COLEC12: variants seen among roughly 807,000 people sequenced by gnomAD.
COLEC12 encodes the protein collectin subfamily member 12, also known as collectin-12.
In COLEC12, 33 loss-of-function variants were observed where a neutral mutation model predicts 71.1. The observed-to-expected ratio is 0.46, with a 90% CI of 0.35 to 0.62. The LOEUF (loss-of-function observed/expected upper bound fraction) is 0.62, where lower values mean the gene tolerates loss of function less well. Ranked by LOEUF, COLEC12 falls within the 20% of genes least tolerant of loss-of-function variation. The pLI is 0.00. For synonymous variants in COLEC12, 350 were observed against 353.0 expected (o/e 0.99, Z 0.10); for missense variants, 765 against 916.1 (o/e 0.84, Z 2.13).
chr18:467,561 T>C (rs1917112122), intron 2 of COLEC12, among the ~76,000 whole-genome samples: 1 of 152,214 alleles, frequency 6.6e-6, no homozygotes, highest in African/African-American at 2.4e-5. Flanking sequence ...TGTAAACAGA[T>C]TAATGAATTG....
intron 2 of COLEC12, among the ~76,000 whole-genome samples, chr18:376,892 C>A (rs756179631): frequency 1.3e-5 from 2 of 152,306 alleles, no homozygotes; most frequent in Non-Finnish European, 2.9e-5. Context: ...GTCCTCAGAG[C>A]TCTCCTGAGA....
chr18:331,844 T>C (rs1174980841), intron 7 of COLEC12, 67 bp from the exon 8 acceptor site: 8 of 935,790 alleles, frequency 8.5e-6, no homozygotes, highest in Admixed American at 4.0e-5. Context: ...CTTTTTCTTT[T>C]ATTTAACATT....
Position 321,819 on chromosome 18 carries a change from A to T in COLEC12, c.2064-12T>A. ...CAGCTTTCCAATTTCTTTTAGCAAA[A>T]CAGAAATTGAATGTTATTTGCACAG... is the stretch of plus-strand genomic sequence containing the variant. On this transcript the variant is annotated splice_polypyrimidine_tract_variant and intron_variant, in intron 8 of 9. Transcript: ENST00000400256. 1 of 1,612,540 alleles carries T rather than the reference A, an allele frequency of 6.2e-7. No individual in the cohort carries two copies. The highest frequency in any genetic ancestry group is 8.5e-7 in the Non-Finnish European group (1 of 1,179,446).
In COLEC12 at chr18:431,865, G is replaced by T. The variant is rs148818920; in HGVS notation, c.58+48842C>A. Among the ~76,000 whole-genome samples, 227 of 152,258 alleles carry T rather than the reference G, an allele frequency of 1.5e-3. 5 individuals are homozygous for T. In the East Asian group the frequency reaches 0.039, roughly 26 times the overall value. ...GCCACTTATTGAACTCTTGCCATGTGCCAGGCACTGTGCTAAGGAGATTTT... is the reference window on the plus strand; with the variant it reads ...GCCACTTATTGAACTCTTGCCATGTTCCAGGCACTGTGCTAAGGAGATTTT... On this transcript the variant is annotated intron_variant, in intron 2 of 9. Coordinates refer to ENST00000400256, the MANE Select transcript of COLEC12 (RefSeq NM_130386.3).
chr18:389,027 T>C (rs1235941937), intron 2 of COLEC12, among the ~76,000 whole-genome samples: 1 of 152,170 alleles, frequency 6.6e-6, no homozygotes, highest in African/African-American at 2.4e-5. Context: ...GTTACATTAT[T>C]CACAATTCAG....
chr18:347,424 C>T (rs1223972230), intron 4 of COLEC12, 83 bp from the exon 5 acceptor site: 49 of 1,120,504 alleles, frequency 4.4e-5, no homozygotes, highest in Middle Eastern at 4.1e-4. Flanking sequence ...CACACTTAAT[C>T]GGTATGCACT....
rs1468194259 is a variant in COLEC12 at position 331,697 on chromosome 18, C to A, written c.2034G>T (p.Lys678Asn). The A allele has an allele frequency of 6.2e-7, 1 of 1,612,986 alleles. No homozygotes were observed. The highest frequency in any genetic ancestry group is 1.3e-5 in the African/African-American group (1 of 74,886). The change falls in exon 8 of 10, where the codon AAG becomes AAT. Residue 678 changes from lysine to asparagine, a missense_variant. Coordinates refer to ENST00000400256, the MANE Select transcript of COLEC12 (RefSeq NM_130386.3). ...LTDSERENEWKWLDGTSPDYK... is the reference protein window; with the variant it reads ...LTDSERENEWNWLDGTSPDYK... Reference sequence around the variant, plus strand: ...AGTCTGGAGATGTCCCATCCAGCCACTTCCATTCATTTTCACGCTCTGAGT... The same window carrying A: ...AGTCTGGAGATGTCCCATCCAGCCAATTCCATTCATTTTCACGCTCTGAGT...
intron 2 of COLEC12, among the ~76,000 whole-genome samples, chr18:461,487 A>G (rs1188143826): frequency 6.6e-6 from 1 of 152,198 alleles, no homozygotes; most frequent in Non-Finnish European, 1.5e-5. Flanking sequence ...CCTGGGCTCA[A>G]GCAGTCCTCC....
chr18:422,739 G>T (rs1360154673), intron 2 of COLEC12, among the ~76,000 whole-genome samples: 1 of 152,062 alleles, frequency 6.6e-6, no homozygotes, highest in Non-Finnish European at 1.5e-5. Flanking sequence ...TACATTCTAA[G>T]CATGTACATA....
chr18:457,450 T>A (rs114416228), intron 2 of COLEC12, among the ~76,000 whole-genome samples: 2 of 152,210 alleles, frequency 1.3e-5, no homozygotes, highest in African/African-American at 2.4e-5. Context: ...AGAATGTCCA[T>A]GTCACATGCT....
At chr18:403,582 C>T (rs1424630345) in intron 2 of COLEC12, among the ~76,000 whole-genome samples, 1 of 152,180 alleles carries the variant, frequency 6.6e-6, no homozygotes, top group Non-Finnish European at 1.5e-5. Flanking sequence ...TGACCCATGG[C>T]TCTCTATCTT....
chr18:431,891 ATATATG>A (rs1303835944), intron 2 of COLEC12, among the ~76,000 whole-genome samples: 2 of 152,192 alleles, frequency 1.3e-5, no homozygotes, highest in Non-Finnish European at 2.9e-5. Context: ...AGGAGATTTT[ATATATG>A]TATATCTCCC....
At position 346,185 on chromosome 18, in the gene COLEC12, A is replaced by G. The variant is rs1188192589; in HGVS notation, c.1327+110T>C. 3.7e-6 allele frequency: 3 copies of G among 813,724 alleles called. No homozygotes were observed. The highest frequency in any genetic ancestry group is 3.5e-5 in the African/African-American group (2 of 57,914). The allele number at this position is 813,724 out of a possible 1,614,324, so 50.4% of individuals were successfully genotyped here. On this transcript the variant is annotated intron_variant, in intron 5 of 9. Coordinates refer to ENST00000400256, the MANE Select transcript of COLEC12 (RefSeq NM_130386.3). The surrounding 1 kb of genome is among the most constrained non-coding windows in gnomAD (Gnocchi z 4.0). ...GCTGCTCTTGAATTCCTGGTCCACAAAAACTATGAGATGATGAATATTTAT... is the reference window on the plus strand; with the variant it reads ...GCTGCTCTTGAATTCCTGGTCCACAGAAACTATGAGATGATGAATATTTAT...
chr18:323,539 G>C (rs754593348), intron 8 of COLEC12, among the ~76,000 whole-genome samples: 3 of 152,236 alleles, frequency 2.0e-5, no homozygotes, highest in Admixed American at 6.5e-5. Flanking sequence ...CCTGACGCCA[G>C]ATAGAGATGA....
At chr18:405,194 C>T (rs1375404323) in intron 2 of COLEC12, among the ~76,000 whole-genome samples, 1 of 152,196 alleles carries the variant, frequency 6.6e-6, no homozygotes, top group Non-Finnish European at 1.5e-5. Context: ...ACAATACGTG[C>T]ACCGCTGAAC....
chr18:325,688 G>GA (rs1415046262), intron 8 of COLEC12, among the ~76,000 whole-genome samples: 1 of 77,860 alleles, frequency 1.3e-5, no homozygotes, highest in Non-Finnish European at 2.3e-5. Flanking sequence ...TCGGAAAAAA[G>GA]AAAAAAGAAA....
chr18:438,802 C>CAAAA (rs55912485), intron 2 of COLEC12, among the ~76,000 whole-genome samples: 3 of 132,692 alleles, frequency 2.3e-5, no homozygotes, highest in East Asian at 2.2e-4. Context: ...GACCTTGTCT[C>CAAAA]AAAAAAAAAA....
chr18:496,936 G>A (rs1182931174), intron 1 of COLEC12, among the ~76,000 whole-genome samples: 1 of 152,132 alleles, frequency 6.6e-6, no homozygotes, highest in Non-Finnish European at 1.5e-5. Context: ...AGATTCCTTC[G>A]TCAAGAATGT....
intron 2 of COLEC12, among the ~76,000 whole-genome samples, chr18:473,609 C>T (rs948512046): frequency 6.6e-6 from 1 of 152,206 alleles, no homozygotes; most frequent in African/African-American, 2.4e-5. Context: ...GTGATCCACC[C>T]GCCTCGGCCT....
Sources: gnomAD v4.1 joint callset for allele counts (sites outside exome capture counted in the v4.1 genomes callset) on GRCh38, gnomAD v4.1.1 for gene constraint, Gnocchi (gnomAD v3.1) non-coding constraint, MANE v1.5 for transcripts, NCBI Gene and HGNC (gene_info 2026-07-23, HGNC 2026-07-21) for gene names.